OR1A1: variants seen among roughly 807,000 people sequenced by gnomAD.
The protein encoded by OR1A1 is olfactory receptor 1A1.
For missense variants in OR1A1, 391 were observed against 379.9 expected (o/e 1.03, Z -0.24); for synonymous variants, 145 against 147.8 (o/e 0.98, Z 0.13).
In OR1A1 at chr17:3,217,158, C is replaced by CA. The variant is rs1354878075; in HGVS notation, c.*610dup. The CA allele has an allele frequency of 6.6e-6, 1 of 151,896 alleles. No individual in the cohort carries two copies. Among genetic ancestry groups the CA allele is most frequent in the African/African-American group, 2.4e-5 (1 of 41,382 alleles). 9.4% of individuals were successfully genotyped at this position (151,896 alleles called of 1,614,324 possible). A position where few individuals can be genotyped will look rare whatever the true frequency, so the allele number is the denominator to read the frequency against. Reference sequence around the variant, plus strand: ...TTATTTTCTCATCCTTTAAACCTTTCAAGAAACTCCCATTCACAAATGCTA... The same window carrying CA: ...TTATTTTCTCATCCTTTAAACCTTTCAAAGAAACTCCCATTCACAAATGCTA... On this transcript the variant is annotated 3_prime_UTR_variant, in exon 4 of 4. Coordinates refer to ENST00000641732, the MANE Select transcript of OR1A1 (RefSeq NM_014565.3).
Position 3,215,980 on chromosome 17 carries a change from T to C in OR1A1, c.360T>C (p.Tyr120=). 8.7e-6 allele frequency: 14 copies of C among 1,614,182 alleles called. No homozygotes were observed. The highest frequency in any genetic ancestry group is 1.1e-5 in the Non-Finnish European group (13 of 1,180,024). The part of the protein sequence containing the change: ...TDSYILAAMA[Y]DRAVAISRPL... The stretch of plus-strand genomic sequence containing the variant: ...GCTATATTTTGGCTGCAATGGCATA[T>C]GATCGAGCTGTGGCCATCAGCCGCC... The change falls in exon 4 of 4, where the codon TAT becomes TAC. Residue 120 remains tyrosine (Y), a synonymous_variant. Coordinates refer to ENST00000641732, the MANE Select transcript of OR1A1 (RefSeq NM_014565.3).
intron 1 of OR1A1, among the ~76,000 whole-genome samples, chr17:3,208,251 G>A (rs549552152): frequency 1.3e-5 from 2 of 152,244 alleles, no homozygotes; most frequent in East Asian, 3.9e-4. Context: ...TCCTTGGGCT[G>A]TTGTCCATGA....
rs752317946 is a variant in OR1A1 at position 3,215,967 on chromosome 17, C to G, written c.347C>G (p.Ala116Gly). 5.0e-6 allele frequency: 8 copies of G among 1,614,060 alleles called. No homozygotes were observed. Among genetic ancestry groups the G allele is most frequent in the Non-Finnish European group, 6.8e-6 (8 of 1,180,062 alleles). The change falls in exon 4 of 4, where the codon GCT becomes GGT. Residue 116 changes from alanine (A) to glycine (G), a missense_variant. Coordinates refer to ENST00000641732, the MANE Select transcript of OR1A1 (RefSeq NM_014565.3). ...ALGNTDSYIL[A>G]AMAYDRAVAI... is the part of the protein sequence containing the mutation. The stretch of plus-strand genomic sequence containing the variant: ...GGTAACACAGACAGCTATATTTTGG[C>G]TGCAATGGCATATGATCGAGCTGTG...
At position 3,215,830 on chromosome 17, in the gene OR1A1, C is replaced by T. The variant is rs1006747433; in HGVS notation, c.210C>T (p.Asp70=). 21 of 1,614,066 alleles carry T rather than the reference C, an allele frequency of 1.3e-5. No homozygotes were observed. In the Admixed American group the frequency reaches 2.5e-4, roughly 19 times the overall value. The change falls in exon 4 of 4, where the codon GAC becomes GAT. Residue 70 remains aspartate (D), a synonymous_variant. Transcript: ENST00000641732. The stretch of plus-strand genomic sequence containing the variant: ...TCCTTGCCAACCTCTCCTTGGTTGA[C>T]ATCTTCTTCTCATCGGTAACCATCC... ...YFLLANLSLV[D]IFFSSVTIPK...
rs4374201 is a variant in OR1A1, at chr17:3,215,755, C to A, written c.135C>A (p.Ile45=). Reference sequence around the variant, plus strand: ...TCACATTGATTGGAAACCTGCTCATCGTCCTAGCCATTTGCTCTGATGTTC... The same window carrying A: ...TCACATTGATTGGAAACCTGCTCATAGTCCTAGCCATTTGCTCTGATGTTC... ...YPITLIGNLL[I]VLAICSDVRL... Residue 45 remains isoleucine, a synonymous_variant, in exon 4 of 4, where the codon ATC becomes ATA. Transcript: ENST00000641732. 1 of 1,614,054 alleles carries A rather than the reference C, an allele frequency of 6.2e-7. No homozygotes were observed. Among genetic ancestry groups the A allele is most frequent in the Non-Finnish European group, 8.5e-7 (1 of 1,180,018 alleles).
rs61737301 is a variant in OR1A1 at position 3,216,450 on chromosome 17, C to T, written c.830C>T (p.Thr277Met). ...LKDAVITVMYTAVTPMLNPFI... is the reference protein window; with the variant it reads ...LKDAVITVMYMAVTPMLNPFI... ...GACGCAGTGATCACTGTAATGTACA[C>T]GGCAGTGACCCCAATGTTAAATCCT... The change falls in exon 4 of 4, where the codon ACG becomes ATG. Residue 277 changes from threonine to methionine, a missense_variant. Coordinates refer to ENST00000641732, the MANE Select transcript of OR1A1 (RefSeq NM_014565.3). 5,817 of 1,613,926 alleles carry T rather than the reference C, an allele frequency of 3.6e-3. 179 individuals are homozygous for T. The African/African-American group carries it at 0.068, about 19-fold the overall frequency.
rs2048483797 is a variant in OR1A1, at chr17:3,218,874, A to C, written c.*2324A>C. ...CATGGCACGTGTATACCTATGTAAC[A>C]AACCTGCATGTTCTGCACATGTACC... On this transcript the variant is annotated 3_prime_UTR_variant, in exon 4 of 4. Coordinates refer to ENST00000641732, the MANE Select transcript of OR1A1 (RefSeq NM_014565.3). 6.6e-6 allele frequency: 1 copy of C among 152,134 alleles called. No homozygotes were observed. Among genetic ancestry groups the C allele is most frequent in the African/African-American group, 2.4e-5 (1 of 41,416 alleles). The allele number at this position is 152,134 out of a possible 1,614,324, so 9.4% of individuals were successfully genotyped here.
rs1425302004 is a variant in OR1A1 at position 3,217,598 on chromosome 17, G to T, written c.*1048G>T. On this transcript the variant is annotated 3_prime_UTR_variant, in exon 4 of 4. Transcript: ENST00000641732. ...AACAGACATGTAGCCCAGTGGAACA[G>T]AACAGAGACCTCACAAATAACACCA... is the stretch of plus-strand genomic sequence containing the variant. The T allele has an allele frequency of 6.6e-6, 1 of 152,176 alleles. No individual in the cohort carries two copies. Among genetic ancestry groups the T allele is most frequent in the Non-Finnish European group, 1.5e-5 (1 of 68,040 alleles). The allele number at this position is 152,176 out of a possible 1,614,324, so 9.4% of individuals were successfully genotyped here.
intron 2 of OR1A1, among the ~76,000 whole-genome samples, chr17:3,211,783 A>G (rs1597292218): frequency 6.6e-6 from 1 of 152,130 alleles, no homozygotes; most frequent in Non-Finnish European, 1.5e-5. Flanking sequence ...TTACCTCACC[A>G]CCTTTTAAAT....
intron 1 of OR1A1, among the ~76,000 whole-genome samples, chr17:3,208,208 AG>A (rs1187396033): frequency 5.3e-5 from 8 of 151,934 alleles, no homozygotes. Context: ...GAGGAGGAGG[AG>A]GAGGAGGACC....
rs575272040 is a variant in OR1A1 at position 3,216,442 on chromosome 17, A to T, written c.822A>T (p.Val274=). ...GCCTAAAAGACGCAGTGATCACTGT[A>T]ATGTACACGGCAGTGACCCCAATGT... ...NYSLKDAVIT[V]MYTAVTPMLN... is the part of the protein sequence containing the mutation. The change falls in exon 4 of 4, where the codon GTA becomes GTT. Residue 274 remains valine, a synonymous_variant. Transcript: ENST00000641732. The T allele has an allele frequency of 1.9e-6, 3 of 1,614,010 alleles. No homozygotes were observed. The highest frequency in any genetic ancestry group is 2.2e-5 in the East Asian group (1 of 44,884).
In OR1A1 at chr17:3,217,746, C is replaced by A. The variant is rs1205841077; in HGVS notation, c.*1196C>A. 6.6e-6 allele frequency: 1 copy of A among 152,096 alleles called. No individual in the cohort carries two copies. The highest frequency in any genetic ancestry group is 1.9e-4 in the East Asian group (1 of 5,198). The allele number at this position is 152,096 out of a possible 1,614,324, so 9.4% of individuals were successfully genotyped here. On this transcript the variant is annotated 3_prime_UTR_variant, in exon 4 of 4. Transcript: ENST00000641732. Reference sequence around the variant, plus strand: ...CCATATGCAGAAAAATGAAACTGGACCCCTTTCTTACATCTTATACAAAAA... The same window carrying A: ...CCATATGCAGAAAAATGAAACTGGAACCCTTTCTTACATCTTATACAAAAA...
Position 3,216,382 on chromosome 17 carries a change from C to A in OR1A1, c.762C>A (p.Val254=), listed in dbSNP as rs1201754605. ...LTVVSLYYGT[V]MGTYFRPLTN... ...TTGTCTCTTTGTATTATGGTACAGT[C>A]ATGGGCACGTATTTCCGCCCTTTGA... The change falls in exon 4 of 4, where the codon GTC becomes GTA. Residue 254 remains valine (V), a synonymous_variant. Transcript: ENST00000641732. 3 of 1,614,080 alleles carry A rather than the reference C, an allele frequency of 1.9e-6. No individual in the cohort carries two copies. Among genetic ancestry groups the A allele is most frequent in the Admixed American group, 3.3e-5 (2 of 59,992 alleles).
In OR1A1 at chr17:3,215,902, T is replaced by C. The variant is rs1335890205; in HGVS notation, c.282T>C (p.Phe94=). ...TCTTGGGCAGCAAATCCATCTCTTT[T>C]GGGGGATGCCTAACGCAGATGTATT... is the stretch of plus-strand genomic sequence containing the variant. ...NHLLGSKSIS[F]GGCLTQMYFM... The change falls in exon 4 of 4, where the codon TTT becomes TTC. Residue 94 remains phenylalanine, a synonymous_variant. Transcript: ENST00000641732. 28 of 1,614,040 alleles carry C rather than the reference T, an allele frequency of 1.7e-5. No individual in the cohort carries two copies. The East Asian group carries it at 6.2e-4, about 36-fold the overall frequency.
Position 3,208,178 on chromosome 17 carries a change from T to G in OR1A1, c.-557+178T>G, listed in dbSNP as rs200252036. On this transcript the variant is annotated intron_variant, in intron 1 of 3. Coordinates refer to ENST00000641732, the MANE Select transcript of OR1A1 (RefSeq NM_014565.3). ...ATAGAGATAGAGATAGAGATATATATATAGAGAGAGAGAGAGGAGGAGGAG... is the reference window on the plus strand; with the variant it reads ...ATAGAGATAGAGATAGAGATATATAGATAGAGAGAGAGAGAGGAGGAGGAG... Among the ~76,000 whole-genome samples the G allele has an allele frequency of 7.4e-5, 11 of 148,456 alleles. No individual in the cohort carries two copies. In the South Asian group the frequency reaches 2.4e-3, roughly 32 times the overall value.
rs770470632 is a variant in OR1A1, at chr17:3,216,419, C to T, written c.799C>T (p.Leu267=). ...TYFRPLTNYS[L]KDAVITVMYT... Reference sequence around the variant, plus strand: ...TTTCCGCCCTTTGACCAATTATAGCCTAAAAGACGCAGTGATCACTGTAAT... The same window carrying T: ...TTTCCGCCCTTTGACCAATTATAGCTTAAAAGACGCAGTGATCACTGTAAT... Residue 267 remains leucine (L), a synonymous_variant, in exon 4 of 4, where the codon CTA becomes TTA. Transcript: ENST00000641732. The T allele has an allele frequency of 1.9e-6, 3 of 1,614,142 alleles. No individual in the cohort carries two copies. The South Asian group carries it at 3.3e-5, about 18-fold the overall frequency.
At chr17:3,210,819 C>T (rs956652007) in intron 2 of OR1A1, among the ~76,000 whole-genome samples, 3 of 151,966 alleles carry the variant, frequency 2.0e-5, no homozygotes, top group African/African-American at 4.8e-5. Flanking sequence ...TTATCCAGGC[C>T]GGTCTCCAAC....
At chr17:3,214,919 T>C (rs1236386835) in intron 3 of OR1A1, 1 of 152,170 alleles carries the variant, frequency 6.6e-6, no homozygotes, top group Non-Finnish European at 1.5e-5. Flanking sequence ...ACTTTGAAAA[T>C]GAGACACCTG....
At chr17:3,213,553 T>A (rs1451050644) in intron 3 of OR1A1, 1 of 152,218 alleles carries the variant, frequency 6.6e-6, no homozygotes, top group Non-Finnish European at 1.5e-5. Flanking sequence ...CACAAGTTGA[T>A]CACAAAATGT....
Sources: gnomAD v4.1 joint callset for allele counts (sites outside exome capture counted in the v4.1 genomes callset) on GRCh38, gnomAD v4.1.1 for gene constraint, MANE v1.5 for transcripts, NCBI Gene and HGNC (gene_info 2026-07-23, HGNC 2026-07-21) for gene names.